The following SEC24D variants were observed in gnomAD, a reference collection of about 807,000 sequenced individuals.
SEC24D encodes SEC24 homolog D, COPII component, also known as protein transport protein Sec24D.
SEC24D carries 69 observed loss-of-function variants against 116.9 expected under a neutral mutation model. That is an observed-to-expected ratio of 0.59 (90% CI 0.49 to 0.72). SEC24D has a LOEUF of 0.72. Among genes scored for constraint, SEC24D ranks in the 30% least tolerant of loss-of-function variants. The probability of loss-of-function intolerance (pLI) is 0.00; values close to 1 mark genes in which losing one functional copy is unlikely to be tolerated. For missense variants in SEC24D, 1,131 were observed against 1,264.1 expected (o/e 0.89, Z 1.60); for synonymous variants, 405 against 442.8 (o/e 0.91, Z 1.07).
chr4:118,766,725 G>A (rs575672040), intron 9 of SEC24D: 65 of 152,368 alleles, frequency 4.3e-4, no homozygotes, highest in African/African-American at 1.6e-3. Flanking sequence ...CTGGGGGCTT[G>A]GGTGAAGACA....
Position 118,728,542 on chromosome 4 carries a change from A to G in SEC24D, c.2958+19T>C, listed in dbSNP as rs1440129316. The G allele has an allele frequency of 1.0e-5, 15 of 1,490,026 alleles. No homozygotes were observed. The highest frequency in any genetic ancestry group is 1.4e-5 in the Non-Finnish European group (15 of 1,079,262). The allele number at this position is 1,490,026 out of a possible 1,614,324, so 92.3% of individuals were successfully genotyped here. A position where few individuals can be genotyped will look rare whatever the true frequency, so the allele number is the denominator to read the frequency against. Reference sequence around the variant, plus strand: ...TTTTTAACATTTGAATAAAGGGAAAAATAAAATTGCTTTCTTACCTTCATT... The same window carrying G: ...TTTTTAACATTTGAATAAAGGGAAAGATAAAATTGCTTTCTTACCTTCATT... On this transcript the variant is annotated intron_variant, in intron 22 of 22. Transcript: ENST00000280551.
Position 118,731,454 on chromosome 4 carries a change from C to G in SEC24D, c.2730G>C (p.Glu910Asp). ...ATATTCCTTCTTCTGAAAGACGGGACTCAGAGCAACGAACGGCAGCAGGTA... is the reference window on the plus strand; with the variant it reads ...ATATTCCTTCTTCTGAAAGACGGGAGTCAGAGCAACGAACGGCAGCAGGTA... The part of the protein sequence containing the change: ...TMLPAAVRCS[E>D]SRLSEEGIFL... Residue 910 changes from glutamate (E) to aspartate (D), a missense_variant, in exon 21 of 23, where the codon GAG becomes GAC. Physicochemically the swap from Glu to Asp is conservative, Grantham distance 45. Coordinates refer to ENST00000280551, the MANE Select transcript of SEC24D (RefSeq NM_014822.4). 1 of 1,614,122 alleles carries G rather than the reference C, an allele frequency of 6.2e-7. No homozygotes were observed. Among genetic ancestry groups the G allele is most frequent in the Non-Finnish European group, 8.5e-7 (1 of 1,180,000 alleles).
At chr4:118,803,936 TTA>T (rs1448657079) in intron 7 of SEC24D, among the ~76,000 whole-genome samples, 1 of 152,014 alleles carries the variant, frequency 6.6e-6, no homozygotes, top group African/African-American at 2.4e-5. Flanking sequence ...TATATTTTTA[TTA>T]TATTATTAAC....
At chr4:118,780,843 T>G (rs191359349) in intron 8 of SEC24D, among the ~76,000 whole-genome samples, 2 of 152,092 alleles carry the variant, frequency 1.3e-5, no homozygotes, top group Admixed American at 1.3e-4. Flanking sequence ...TGCAATGGCC[T>G]TGTCCCTTTT....
chr4:118,804,921 CACAT>C (rs1410704948), intron 7 of SEC24D, among the ~76,000 whole-genome samples: 14 of 139,592 alleles, frequency 1.0e-4, no homozygotes, highest in East Asian at 2.2e-4. Context: ...CACACACACA[CACAT>C]ATACAAAGAC....
intron 8 of SEC24D, among the ~76,000 whole-genome samples, chr4:118,771,762 A>T (rs541364170): frequency 6.6e-6 from 1 of 152,208 alleles, no homozygotes; most frequent in Non-Finnish European, 1.5e-5. Context: ...GTAAAATTTT[A>T]AAAGTCTTCT....
chr4:118,832,190 G>A (rs951256505), intron 2 of SEC24D, among the ~76,000 whole-genome samples: 2 of 152,164 alleles, frequency 1.3e-5, no homozygotes, highest in African/African-American at 2.4e-5. Flanking sequence ...AGCTGAGATC[G>A]CAAAACTGCA....
intron 8 of SEC24D, among the ~76,000 whole-genome samples, chr4:118,774,056 T>C (rs1404838771): frequency 6.6e-6 from 1 of 151,834 alleles, no homozygotes; most frequent in Non-Finnish European, 1.5e-5. Flanking sequence ...ACTATATTTA[T>C]ATTTTTATAA....
chr4:118,819,301 G>C (rs1322398062), intron 3 of SEC24D, among the ~76,000 whole-genome samples: 2 of 152,086 alleles, frequency 1.3e-5, no homozygotes, highest in African/African-American at 4.8e-5. Flanking sequence ...GGAGGCCGAG[G>C]AGGGCGGATC....
Position 118,830,166 on chromosome 4 carries a change from A to G in SEC24D, c.118+3413T>C, listed in dbSNP as rs150964133. On this transcript the variant is annotated intron_variant, in intron 2 of 22. Transcript: ENST00000280551. ...ATAGAAAGATATATTTGCAGAGAGT[A>G]TAATAGCCTGGTTATTCACCTGATA... is the stretch of plus-strand genomic sequence containing the variant. Among the ~76,000 whole-genome samples the G allele has an allele frequency of 2.0e-5, 3 of 152,386 alleles. No homozygotes were observed. The East Asian group carries it at 5.8e-4, about 29-fold the overall frequency.
chr4:118,763,395 G>A (rs1727480486), intron 10 of SEC24D, among the ~76,000 whole-genome samples: 1 of 138,392 alleles, frequency 7.2e-6, no homozygotes, highest in Non-Finnish European at 1.6e-5. Flanking sequence ...TAGGAAAAAT[G>A]TTCATTATCA....
At chr4:118,739,547 T>G (rs1159231953) in intron 17 of SEC24D, among the ~76,000 whole-genome samples, 1 of 152,204 alleles carries the variant, frequency 6.6e-6, no homozygotes, top group East Asian at 1.9e-4. Context: ...AATATCTATT[T>G]CACATTTCTA....
chr4:118,822,084 C>G (rs1407898102), intron 3 of SEC24D, among the ~76,000 whole-genome samples: 4 of 152,170 alleles, frequency 2.6e-5, no homozygotes, highest in African/African-American at 9.7e-5. Context: ...AAGCTATAAA[C>G]AGTGGACTTT....
At chr4:118,734,987 A>ATGTTCTTAGATTCC (rs1725883933) in intron 19 of SEC24D, among the ~76,000 whole-genome samples, 1 of 152,248 alleles carries the variant, frequency 6.6e-6, no homozygotes, top group Non-Finnish European at 1.5e-5. Flanking sequence ...AGGATCAAGA[A>ATGTTCTTAGATTCC]TGTTCTTAGA....
chr4:118,726,441 T>C (rs1223620938), intron 22 of SEC24D, among the ~76,000 whole-genome samples: 1 of 151,974 alleles, frequency 6.6e-6, no homozygotes, highest in Non-Finnish European at 1.5e-5. Context: ...TACAGAGAAG[T>C]GGAGAGATGA....
At chr4:118,799,096 G>A (rs1223760268) in intron 7 of SEC24D, among the ~76,000 whole-genome samples, 2 of 152,206 alleles carry the variant, frequency 1.3e-5, no homozygotes, top group African/African-American at 4.8e-5. Flanking sequence ...GTAGAACCAG[G>A]GAGACCATGT....
At position 118,750,112 on chromosome 4, in the gene SEC24D, A is replaced by C. The variant is rs10031357; in HGVS notation, c.1707+1884T>G. On this transcript the variant is annotated intron_variant, in intron 13 of 22. Transcript: ENST00000280551. The stretch of plus-strand genomic sequence containing the variant: ...AAAAAATAAGATGCAAAAGATATGA[A>C]GATACATCACATCAGCTGAAATGAG... 5.5e-3 allele frequency among the ~76,000 whole-genome samples: 835 copies of C among 152,376 alleles called. 11 individuals carry two copies. Among genetic ancestry groups the C allele is most frequent in the African/African-American group, 0.019 (791 of 41,588 alleles).
chr4:118,789,078 A>G (rs1728779767), intron 8 of SEC24D, among the ~76,000 whole-genome samples: 2 of 152,248 alleles, frequency 1.3e-5, no homozygotes, highest in Admixed American at 1.3e-4. Flanking sequence ...GCTCATTGCT[A>G]AAACTTTAGC....
intron 8 of SEC24D, among the ~76,000 whole-genome samples, chr4:118,778,968 GC>G (rs1352373166): frequency 2.0e-5 from 3 of 152,186 alleles, no homozygotes; most frequent in Non-Finnish European, 2.9e-5. Flanking sequence ...CTGAGACTTT[GC>G]TGAAATTGCC....
Sources: allele counts gnomAD v4.1 joint callset (sites outside exome capture counted in the v4.1 genomes callset), GRCh38; gene constraint gnomAD v4.1.1; transcripts MANE v1.5; gene names NCBI Gene and HGNC (gene_info 2026-07-23, HGNC 2026-07-21).